The following SH3GL2 variants were observed in gnomAD, a reference collection of about 807,000 sequenced individuals.
SH3GL2 encodes the protein SH3 domain containing GRB2 like 2, endophilin A1, also known as endophilin-A1.
SH3GL2 carries 24 observed loss-of-function variants against 46.0 expected under a neutral mutation model. The ratio of observed to expected loss-of-function variants is 0.52; its 90% CI spans 0.38 to 0.73. The LOEUF (loss-of-function observed/expected upper bound fraction) is 0.73, where lower values mean the gene tolerates loss of function less well. Among genes scored for constraint, SH3GL2 ranks in the 30% least tolerant of loss-of-function variants. SH3GL2 has a pLI of 0.00. For missense variants in SH3GL2, 413 were observed against 424.2 expected (o/e 0.97, Z 0.23); for synonymous variants, 196 against 147.1 (o/e 1.33, Z -2.40).
intron 1 of SH3GL2, among the ~76,000 whole-genome samples, chr9:17,701,270 G>T (rs1175073968): frequency 6.6e-6 from 1 of 152,142 alleles, no homozygotes; most frequent in African/African-American, 2.4e-5. Flanking sequence ...ACTTAGAAAT[G>T]ATGGATAAAA....
chr9:17,693,325 A>T (rs989457576), intron 1 of SH3GL2, among the ~76,000 whole-genome samples: 1 of 151,888 alleles, frequency 6.6e-6, no homozygotes, highest in Non-Finnish European at 1.5e-5. Context: ...TGCAACAGAA[A>T]CCCTACCATT....
chr9:17,754,746 G>T (rs970121746), intron 2 of SH3GL2, among the ~76,000 whole-genome samples: 3 of 152,110 alleles, frequency 2.0e-5, no homozygotes, highest in African/African-American at 7.2e-5. Context: ...TATTTTTGTG[G>T]CAATTGTGAA....
intron 1 of SH3GL2, chr9:17,590,265 A>G (rs1818455632): frequency 6.6e-6 from 1 of 152,300 alleles, no homozygotes; most frequent in Non-Finnish European, 1.5e-5. Flanking sequence ...AGAAGGACCT[A>G]CAAACCCTTT....
intron 1 of SH3GL2, among the ~76,000 whole-genome samples, chr9:17,609,334 A>G (rs1163804646): frequency 6.6e-6 from 1 of 152,042 alleles, no homozygotes; most frequent in Admixed American, 6.6e-5. Flanking sequence ...GAAAGAGCAA[A>G]GATGCTCTTG....
intron 1 of SH3GL2, among the ~76,000 whole-genome samples, chr9:17,688,372 A>C (rs1385003585): frequency 2.0e-5 from 3 of 152,134 alleles, no homozygotes; most frequent in African/African-American, 7.2e-5. Context: ...AAATGGGTGA[A>C]AGGAGAATAT....
chr9:17,649,212 T>C (rs1819896251), intron 1 of SH3GL2, among the ~76,000 whole-genome samples: 1 of 152,196 alleles, frequency 6.6e-6, no homozygotes, highest in African/African-American at 2.4e-5. Context: ...ATTACAGGCA[T>C]GTGCCACAAC....
At chr9:17,663,291 T>C (rs2117902823) in intron 1 of SH3GL2, among the ~76,000 whole-genome samples, 1 of 152,338 alleles carries the variant, frequency 6.6e-6, no homozygotes, top group South Asian at 2.1e-4. Context: ...GTGATGATTG[T>C]TATGTTGGGA....
chr9:17,658,586 T>C (rs533589856), intron 1 of SH3GL2, among the ~76,000 whole-genome samples: 1 of 152,354 alleles, frequency 6.6e-6, no homozygotes, highest in East Asian at 1.9e-4. Flanking sequence ...TAAAATAACA[T>C]TGTGAGATTT....
intron 8 of SH3GL2, among the ~76,000 whole-genome samples, chr9:17,794,718 T>A (rs998281948): frequency 1.6e-4 from 25 of 152,228 alleles, no homozygotes; most frequent in African/African-American, 5.8e-4. Context: ...TTGGAATAGA[T>A]CCCTCTTAAG....
At chr9:17,724,050 T>C (rs372453700) in intron 1 of SH3GL2, among the ~76,000 whole-genome samples, 2 of 152,162 alleles carry the variant, frequency 1.3e-5, no homozygotes, top group East Asian at 1.9e-4. Flanking sequence ...AATTTTTAGC[T>C]ATGATTTCTT....
chr9:17,795,581 C>T lies in SH3GL2; in HGVS notation c.897C>T (p.Tyr299=), dbSNP rs143422821. The T allele has an allele frequency of 8.0e-5, 129 of 1,613,948 alleles. No homozygotes were observed. The highest frequency in any genetic ancestry group is 4.4e-4 in the African/African-American group (33 of 75,022). ...ATCAGCCCTGCTGCCGAGCTCTGTA[C>T]GACTTTGAACCTGAAAATGAAGGGG... ...QMDQPCCRAL[Y]DFEPENEGEL... The change falls in exon 9 of 9, where the codon TAC becomes TAT. Residue 299 remains tyrosine (Y), a synonymous_variant. Transcript: ENST00000380607.
chr9:17,711,532 G>A (rs1434666750), intron 1 of SH3GL2, among the ~76,000 whole-genome samples: 1 of 151,744 alleles, frequency 6.6e-6, no homozygotes, highest in Non-Finnish European at 1.5e-5. Flanking sequence ...ATTAGTTTGA[G>A]TTTTCTAGAG....
chr9:17,641,987 C>G (rs532892294), intron 1 of SH3GL2, among the ~76,000 whole-genome samples: 10 of 152,086 alleles, frequency 6.6e-5, no homozygotes, highest in Non-Finnish European at 1.0e-4. Context: ...AATGGTATTT[C>G]TAGTTCTAGA....
At chr9:17,656,979 A>C (rs1461027410) in intron 1 of SH3GL2, among the ~76,000 whole-genome samples, 2 of 152,170 alleles carry the variant, frequency 1.3e-5, no homozygotes, top group Non-Finnish European at 2.9e-5. Flanking sequence ...GTGGAACATA[A>C]ATGTTTGAAG....
chr9:17,644,293 G>C (rs759512375), intron 1 of SH3GL2, among the ~76,000 whole-genome samples: 1 of 151,948 alleles, frequency 6.6e-6, no homozygotes, highest in Non-Finnish European at 1.5e-5. Context: ...ACAGCTCCTA[G>C]ATTCATTGAT....
At chr9:17,595,332 G>C (rs1818551743) in intron 1 of SH3GL2, among the ~76,000 whole-genome samples, 1 of 152,214 alleles carries the variant, frequency 6.6e-6, no homozygotes, top group African/African-American at 2.4e-5. Context: ...GTATTTGAAA[G>C]AGCAAGTGGC....
chr9:17,615,654 G>C (rs375227232), intron 1 of SH3GL2, among the ~76,000 whole-genome samples: 2 of 70,696 alleles, frequency 2.8e-5, no homozygotes, highest in Non-Finnish European at 4.8e-5. Context: ...GCGAGACTCC[G>C]TCTCAAAAAA....
intron 2 of SH3GL2, among the ~76,000 whole-genome samples, chr9:17,751,009 A>G (rs928849691): frequency 8.5e-5 from 13 of 152,148 alleles, no homozygotes; most frequent in African/African-American, 2.9e-4. Context: ...AATCCTGAAC[A>G]TGTCTCTTGT....
rs142038762 is a variant in SH3GL2, at chr9:17,729,369, T to C, written c.46-17697T>C. ...TTGTAGATTCTGGATATTAGCCCTT[T>C]GTCAGATGGATAGATTGCAAAAATT... On this transcript the variant is annotated intron_variant, in intron 1 of 8. Coordinates refer to ENST00000380607, the MANE Select transcript of SH3GL2 (RefSeq NM_003026.5). Among the ~76,000 whole-genome samples the C allele has an allele frequency of 3.0e-3, 455 of 152,318 alleles. 8 individuals carry two copies. The highest frequency in any genetic ancestry group is 9.9e-3 in the African/African-American group (413 of 41,572).
Sources: gnomAD v4.1 joint callset for allele counts (sites outside exome capture counted in the v4.1 genomes callset) on GRCh38, gnomAD v4.1.1 for gene constraint, MANE v1.5 for transcripts, NCBI Gene and HGNC (gene_info 2026-07-23, HGNC 2026-07-21) for gene names.